Variants in FARP2 observed in about 807,000 individuals in gnomAD.
FARP2 encodes the protein FERM, ARHGEF and pleckstrin domain-containing protein 2.
In FARP2, 111 loss-of-function variants were observed where a neutral mutation model predicts 130.5. That is an observed-to-expected ratio of 0.85 (90% CI 0.73 to 1.00). FARP2 has a LOEUF of 1.00. FARP2 is among the 50% of genes least tolerant of loss of function. FARP2 has a pLI of 0.00. For synonymous variants in FARP2, 504 were observed against 516.9 expected (o/e 0.98, Z 0.34); for missense variants, 1,385 against 1,346.3 (o/e 1.03, Z -0.45).
Position 241,379,043 on chromosome 2 carries a change from G to A in FARP2, c.183+5753G>A, listed in dbSNP as rs74428581. 3.1e-3 allele frequency among the ~76,000 whole-genome samples: 476 copies of A among 152,226 alleles called. 1 individual carries two copies. The highest frequency in any genetic ancestry group is 0.011 in the African/African-American group (454 of 41,546). On this transcript the variant is annotated intron_variant, in intron 2 of 26. Coordinates refer to ENST00000264042, the MANE Select transcript of FARP2 (RefSeq NM_014808.4). ...GCCTTGTCTTGTGTGCTAAGTCATC[G>A]GGTAGAAATACTTTCAGCTCCAAAC...
chr2:241,430,617 A>G (rs1235055353), intron 8 of FARP2, among the ~76,000 whole-genome samples: 1 of 152,110 alleles, frequency 6.6e-6, no homozygotes, highest in Non-Finnish European at 1.5e-5. Flanking sequence ...GGCCACTATC[A>G]CTGCCCCTTC....
chr2:241,379,244 G>A (rs921084608), intron 2 of FARP2, among the ~76,000 whole-genome samples: 5 of 152,162 alleles, frequency 3.3e-5, no homozygotes, highest in African/African-American at 2.4e-5. Flanking sequence ...GAGTTAATGC[G>A]ATTTAAAGGT....
chr2:241,385,390 A>G (rs1219131451), intron 2 of FARP2, among the ~76,000 whole-genome samples: 1 of 152,118 alleles, frequency 6.6e-6, no homozygotes, highest in East Asian at 1.9e-4. Context: ...TATTTCTTAA[A>G]TTATAAAATT....
In FARP2 at chr2:241,475,742, G is replaced by A. The variant is rs370729611; in HGVS notation, c.2132-115G>A. 4.4e-6 allele frequency: 4 copies of A among 906,538 alleles called. No individual in the cohort carries two copies. The highest frequency in any genetic ancestry group is 1.7e-5 in the African/African-American group (1 of 57,436). The allele number at this position is 906,538 out of a possible 1,614,324, so 56.2% of individuals were successfully genotyped here. A position where few individuals can be genotyped will look rare whatever the true frequency, so the allele number is the denominator to read the frequency against. ...GCTGCTATAAGGAGTCGAGTAGGAT[G>A]TACCTCTAATTAGAACTGCCTTTTA... On this transcript the variant is annotated intron_variant, in intron 18 of 26. Coordinates refer to ENST00000264042, the MANE Select transcript of FARP2 (RefSeq NM_014808.4). This position sits in a 1 kb window ranked among gnomAD's most constrained non-coding sequence, Gnocchi z 4.4.
At chr2:241,412,152 A>G (rs1042549234) in intron 6 of FARP2, among the ~76,000 whole-genome samples, 7 of 152,208 alleles carry the variant, frequency 4.6e-5, no homozygotes, top group Non-Finnish European at 7.3e-5. Flanking sequence ...GTATTAGTCC[A>G]TTTCCACACT....
chr2:241,430,417 A>G (rs920975340), intron 8 of FARP2, among the ~76,000 whole-genome samples: 7 of 152,090 alleles, frequency 4.6e-5, no homozygotes, highest in Admixed American at 2.0e-4. Context: ...GGGTATCACC[A>G]CTTCTGGCCC....
chr2:241,395,886 T>C (rs1275206339), intron 2 of FARP2: 1 of 152,200 alleles, frequency 6.6e-6, no homozygotes, highest in Non-Finnish European at 1.5e-5. Context: ...ATTCTTTCTG[T>C]TGAAAGTCTC....
chr2:241,412,554 A>G (rs1409081742), intron 6 of FARP2, among the ~76,000 whole-genome samples: 1 of 152,222 alleles, frequency 6.6e-6, no homozygotes, highest in Non-Finnish European at 1.5e-5. Flanking sequence ...ATTGAACTTT[A>G]TGTTATTAAG....
At chr2:241,417,362 T>C (rs2062700404) in intron 7 of FARP2, among the ~76,000 whole-genome samples, 1 of 152,128 alleles carries the variant, frequency 6.6e-6, no homozygotes, top group African/African-American at 2.4e-5. Context: ...ACTCATTTTC[T>C]TTCTTTTTCA....
intron 2 of FARP2, among the ~76,000 whole-genome samples, chr2:241,390,744 A>T (rs1343433505): frequency 6.6e-6 from 1 of 151,696 alleles, no homozygotes; most frequent in Non-Finnish European, 1.5e-5. Flanking sequence ...ATAGGATCTT[A>T]TTTTTTTAGA....
intron 17 of FARP2, chr2:241,465,658 TCTCC>T (rs2064150075): frequency 2.6e-6 from 4 of 1,550,636 alleles, no homozygotes; most frequent in Admixed American, 2.0e-5. Context: ...CTGGAACAGT[TCTCC>T]CTCCCTCTCA....
Position 241,468,326 on chromosome 2 carries a change from C to G in FARP2, c.2080C>G (p.Arg694Gly). 1 of 1,613,554 alleles carries G rather than the reference C, an allele frequency of 6.2e-7. No individual in the cohort carries two copies. Among genetic ancestry groups the G allele is most frequent in the Non-Finnish European group, 8.5e-7 (1 of 1,180,028 alleles). The change falls in exon 18 of 27, where the codon CGC becomes GGC. Residue 694 changes from arginine to glycine, a missense_variant. Transcript: ENST00000264042. The part of the protein sequence containing the change: ...RLLHYRLLLR[R>G]LCGHYSPGHH... Reference sequence around the variant, plus strand: ...GCTGCACTACCGCCTGCTGCTGCGCCGCCTATGCGGACATTACAGCCCCGG... The same window carrying G: ...GCTGCACTACCGCCTGCTGCTGCGCGGCCTATGCGGACATTACAGCCCCGG...
intron 9 of FARP2, among the ~76,000 whole-genome samples, 164 bp downstream of exon 9, chr2:241,431,938 C>T (rs542808665): frequency 6.6e-6 from 1 of 152,182 alleles, no homozygotes; most frequent in African/African-American, 2.4e-5. Flanking sequence ...TCTCCTGCCT[C>T]AGCCTCCCAA....
chr2:241,464,338 C>G (rs530447158), intron 17 of FARP2, among the ~76,000 whole-genome samples: 21 of 150,694 alleles, frequency 1.4e-4, no homozygotes, highest in Middle Eastern at 3.6e-3. Context: ...CCCCCCAGAG[C>G]AGGGTCCCCT....
intron 21 of FARP2, among the ~76,000 whole-genome samples, chr2:241,487,746 C>CTTTTTTTTTTTTTTTTTT (rs1167750549): frequency 2.7e-5 from 2 of 73,222 alleles, no homozygotes; most frequent in African/African-American, 5.3e-5. Flanking sequence ...CTAGCCTACT[C>CTTTTTTTTTTTTTTTTTT]TTTTTTTTTT....
At chr2:241,398,365 A>G (rs142726589) in intron 2 of FARP2, among the ~76,000 whole-genome samples, 58 of 152,244 alleles carry the variant, frequency 3.8e-4, no homozygotes, top group African/African-American at 1.3e-3. Flanking sequence ...TCATTTAAGT[A>G]TGTATATATT....
At position 241,456,609 on chromosome 2, in the gene FARP2, T is replaced by C; in HGVS notation, c.1412-138T>C. 8 of 747,992 alleles carry C rather than the reference T, an allele frequency of 1.1e-5. No homozygotes were observed. The South Asian group carries it at 1.3e-4, about 13-fold the overall frequency. 46.3% of individuals were successfully genotyped at this position (747,992 alleles called of 1,614,324 possible). A position where few individuals can be genotyped will look rare whatever the true frequency, so the allele number is the denominator to read the frequency against. On this transcript the variant is annotated intron_variant, in intron 13 of 26. Coordinates refer to ENST00000264042, the MANE Select transcript of FARP2 (RefSeq NM_014808.4). ...TTAGAATTGTGTGTGATAGAGGCTG[T>C]ACATACACATTTTACAGGAAGCGCC...
At chr2:241,471,920 T>G (rs2064324951) in intron 18 of FARP2, among the ~76,000 whole-genome samples, 1 of 152,200 alleles carries the variant, frequency 6.6e-6, no homozygotes, top group Admixed American at 6.5e-5. Context: ...GGGACCCTGT[T>G]CTGAGGGGAT....
chr2:241,397,643 C>T (rs981596497), intron 2 of FARP2, among the ~76,000 whole-genome samples: 1 of 151,760 alleles, frequency 6.6e-6, no homozygotes, highest in African/African-American at 2.4e-5. Flanking sequence ...GACATTTAGA[C>T]GAAAGGCTAG....
Sources: gnomAD v4.1 joint callset for allele counts (sites outside exome capture counted in the v4.1 genomes callset) on GRCh38, gnomAD v4.1.1 for gene constraint, Gnocchi (gnomAD v3.1) non-coding constraint, MANE v1.5 for transcripts, NCBI Gene and HGNC (gene_info 2026-07-23, HGNC 2026-07-21) for gene names.